Variants in RTEL1 observed in about 807,000 individuals in gnomAD.
RTEL1 encodes the protein regulator of telomere length.
Under a neutral mutation model 162.2 loss-of-function variants are expected in RTEL1, and 86 were observed. The ratio of observed to expected loss-of-function variants is 0.53; its 90% CI spans 0.45 to 0.63. The LOEUF (loss-of-function observed/expected upper bound fraction) is 0.63, where lower values mean the gene tolerates loss of function less well. Among genes scored for constraint, RTEL1 ranks in the 30% least tolerant of loss-of-function variants. The probability of loss-of-function intolerance (pLI) is 0.00; values close to 1 mark genes in which losing one functional copy is unlikely to be tolerated. For synonymous variants in RTEL1, 958 were observed against 717.9 expected (o/e 1.33, Z -5.35); for missense variants, 1,941 against 1,750.2 (o/e 1.11, Z -1.95).
At position 63,693,390 on chromosome 20, in the gene RTEL1, CCT is replaced by C. The variant is rs1187910911; in HGVS notation, c.2992+112_2992+113del. On this transcript the variant is annotated intron_variant, in intron 30 of 34. Coordinates refer to ENST00000360203, the MANE Select transcript of RTEL1 (RefSeq NM_001283009.2). ...CATCCTCGGGCCCTGCTTGGCCCCG[CCT>C]CTCTGTTCCCCTATGGGAGTGATGG... The C allele has an allele frequency of 1.3e-5, 18 of 1,369,632 alleles. 1 individual carries two copies. Among genetic ancestry groups the C allele is most frequent in the Middle Eastern group, 2.5e-4 (1 of 4,028 alleles). 84.8% of individuals were successfully genotyped at this position (1,369,632 alleles called of 1,614,324 possible).
rs756924410 is a variant in RTEL1, at chr20:63,674,039, G to T, written c.865G>T (p.Ala289Ser). 1.2e-6 allele frequency: 2 copies of T among 1,613,978 alleles called. No homozygotes were observed. The highest frequency in any genetic ancestry group is 3.3e-5 in the Admixed American group (2 of 60,008). The change falls in exon 10 of 35, where the codon GCA becomes TCA. Residue 289 changes from alanine to serine, a missense_variant. Physicochemically the swap from Ala to Ser is moderately conservative, Grantham distance 99. Transcript: ENST00000360203. ...CCAGGTGCTGGAGGAGCAGACCAAG[G>T]CAGCGCAGCAGGGTGAGCCCCACCC... ...IDQVLEEQTK[A>S]AQQGEPHPEF...
At chr20:63,663,009 A>G in intron 6 of RTEL1, 120 bp downstream of exon 6, 1 of 935,338 alleles carries the variant, frequency 1.1e-6, no homozygotes, top group Non-Finnish European at 1.7e-6. Flanking sequence ...GCGGCCATGT[A>G]CCTGGGCCCT....
intron 14 of RTEL1, 130 bp downstream of exon 14, chr20:63,680,849 T>C: frequency 6.6e-7 from 1 of 1,513,868 alleles, no homozygotes; most frequent in Non-Finnish European, 8.9e-7. Context: ...TGTTTCTGAT[T>C]GGCAAACTCT....
chr20:63,676,153 C>T (rs903167038), intron 10 of RTEL1, among the ~76,000 whole-genome samples: 2 of 152,204 alleles, frequency 1.3e-5, no homozygotes, highest in Admixed American at 6.5e-5. Context: ...ACTGCAGCCT[C>T]CACCTCCTGC....
In RTEL1 at chr20:63,693,445, G is replaced by C. The variant is rs1386233814; in HGVS notation, c.2992+162G>C. Among the ~76,000 whole-genome samples, 306 of 65,634 alleles carry C rather than the reference G, an allele frequency of 4.7e-3. 8 individuals carry two copies. Among genetic ancestry groups the C allele is most frequent in the East Asian group, 0.012 (31 of 2,518 alleles). The allele number at this position is 65,634 out of a possible 152,430, so 43.1% of individuals were successfully genotyped here. A position where few individuals can be genotyped will look rare whatever the true frequency, so the allele number is the denominator to read the frequency against. ...GCCTCCACCTCCACCACCAGCACCA[G>C]CAGCACCACCTCCACCTCCACCTCC... On this transcript the variant is annotated intron_variant, in intron 30 of 34. Transcript: ENST00000360203.
intron 8 of RTEL1, among the ~76,000 whole-genome samples, chr20:63,671,289 G>A (rs978867992): frequency 3.3e-5 from 5 of 151,870 alleles, no homozygotes; most frequent in Non-Finnish European, 4.4e-5. Context: ...CCAAACTCCT[G>A]ACCTTGTCAT....
intron 7 of RTEL1, 48 bp downstream of exon 7, chr20:63,666,127 C>G: frequency 1.3e-6 from 2 of 1,484,752 alleles, no homozygotes; most frequent in Non-Finnish European, 1.9e-6. Flanking sequence ...CATGGCCCAG[C>G]TCTCCTGTGA....
intron 31 of RTEL1, 46 bp from the exon 32 acceptor site, chr20:63,694,695 G>T (rs1177406101): frequency 6.7e-7 from 1 of 1,493,394 alleles, no homozygotes; most frequent in Non-Finnish European, 9.1e-7. Flanking sequence ...GGGACTCTCA[G>T]TCCTCCACCC....
At chr20:63,681,464 C>G (rs955769628) in intron 14 of RTEL1, 20 of 985,202 alleles carry the variant, frequency 2.0e-5, no homozygotes, top group Non-Finnish European at 2.2e-5. Context: ...CACGCTGTAC[C>G]TGCTGGCCAC....
At chr20:63,693,076 G>GTCCAA in intron 29 of RTEL1, 67 bp from the exon 30 acceptor site, 1 of 1,610,604 alleles carries the variant, frequency 6.2e-7, no homozygotes. Context: ...GGCCATCTGG[G>GTCCAA]TCCAAGGTGG....
At chr20:63,690,495 T>TGGGGGGGGGGGGTGGGGGGGGGGTG in intron 26 of RTEL1, 54 bp downstream of exon 26, 1 of 594,928 alleles carries the variant, frequency 1.7e-6, no homozygotes, top group Non-Finnish European at 2.7e-6. Context: ...GCGGGCGGCG[T>TGGGGGGGGGGGGTGGGGGGGGGGTG]GGGGCGGGCA....
At chr20:63,664,504 G>A (rs570286591) in intron 6 of RTEL1, among the ~76,000 whole-genome samples, 59 of 152,250 alleles carry the variant, frequency 3.9e-4, no homozygotes, top group South Asian at 2.3e-3. Context: ...TGCTGCTTCC[G>A]TCTGTGTTAG....
Position 63,661,292 on chromosome 20 carries a change from G to A in RTEL1, c.103-6G>A, listed in dbSNP as rs57695352. 5.2e-3 allele frequency: 8,338 copies of A among 1,611,458 alleles called. 337 individuals carry two copies. In the African/African-American group the frequency reaches 0.094, roughly 18 times the overall value. ...CCCCGTAACCCTTGCTCCGAACTCC[G>A]TTCAGAAGGTGAATGGCATCCTGGA... is the stretch of plus-strand genomic sequence containing the variant. On this transcript the variant is annotated splice_region_variant and splice_polypyrimidine_tract_variant and intron_variant, in intron 2 of 34. Coordinates refer to ENST00000360203, the MANE Select transcript of RTEL1 (RefSeq NM_001283009.2). This position sits in a 1 kb window ranked among gnomAD's most constrained non-coding sequence, Gnocchi z 5.1.
At chr20:63,693,561 T>TCCACCA (rs1568720887) in intron 30 of RTEL1, among the ~76,000 whole-genome samples, 2 of 4,876 alleles carry the variant, frequency 4.1e-4, no homozygotes, top group East Asian at 5.2e-3. Context: ...CACCTCCACC[T>TCCACCA]CCACCACCTC....
chr20:63,682,185 G>A, intron 14 of RTEL1: 8 of 985,418 alleles, frequency 8.1e-6, no homozygotes, highest in Non-Finnish European at 9.6e-6. Context: ...GGCTTCTGAG[G>A]TTCCTACACT....
At position 63,688,396 on chromosome 20, in the gene RTEL1, C is replaced by T. The variant is rs542270397; in HGVS notation, c.1722+10C>T. 4 of 1,612,224 alleles carry T rather than the reference C, an allele frequency of 2.5e-6. No individual in the cohort carries two copies. In the Admixed American group the frequency reaches 6.7e-5, roughly 27 times the overall value. ...CCTGGAGTTCTGGCGGGTGCGTCTC[C>T]CCTGTGTTCTGGGCGGGGTGGGTGA... On this transcript the variant is annotated intron_variant, in intron 20 of 34. Coordinates refer to ENST00000360203, the MANE Select transcript of RTEL1 (RefSeq NM_001283009.2).
At position 63,667,396 on chromosome 20, in the gene RTEL1, G is replaced by A. The variant is rs892963195; in HGVS notation, c.615-73G>A. ...CAGGATGAGGGCTCCTTCCGGGTCA[G>A]AAGACATGGCGGCCTCGGGGCACCG... On this transcript the variant is annotated intron_variant, in intron 7 of 34. Transcript: ENST00000360203. 4 of 1,222,114 alleles carry A rather than the reference G, an allele frequency of 3.3e-6. No homozygotes were observed. The African/African-American group carries it at 6.0e-5, about 18-fold the overall frequency. The allele number at this position is 1,222,114 out of a possible 1,614,324, so 75.7% of individuals were successfully genotyped here.
At chr20:63,693,437 C>G (rs937271766) in intron 30 of RTEL1, among the ~76,000 whole-genome samples, 154 bp downstream of exon 30, 1 of 144,524 alleles carries the variant, frequency 6.9e-6, no homozygotes, top group African/African-American at 2.6e-5. Flanking sequence ...CCTCCACCAC[C>G]AGCACCAGCA....
chr20:63,686,018 T>C, intron 16 of RTEL1, 146 bp downstream of exon 16: 1 of 707,484 alleles, frequency 1.4e-6, no homozygotes, highest in Admixed American at 2.3e-5. Context: ...ATCCAGAGCA[T>C]TCTCCTCACT....
Sources: allele counts gnomAD v4.1 joint callset (sites outside exome capture counted in the v4.1 genomes callset), GRCh38; gene constraint gnomAD v4.1.1; non-coding constraint Gnocchi (gnomAD v3.1); transcripts MANE v1.5; gene names NCBI Gene and HGNC (gene_info 2026-07-23, HGNC 2026-07-21).